Variants in GLIS3 observed in about 807,000 individuals in gnomAD.
The protein encoded by GLIS3 is zinc finger protein GLIS3.
In GLIS3, 53 loss-of-function variants were observed where a neutral mutation model predicts 78.6. The ratio of observed to expected loss-of-function variants is 0.67; its 90% CI spans 0.54 to 0.85. The LOEUF is 0.85. Among genes scored for constraint, GLIS3 ranks in the 40% least tolerant of loss-of-function variants. The probability of loss-of-function intolerance (pLI) is 0.00; values close to 1 mark genes in which losing one functional copy is unlikely to be tolerated. For synonymous variants in GLIS3, 684 were observed against 509.9 expected, an observed-to-expected ratio of 1.34 and a Z score of -4.60; for missense variants, 1,703 against 1,231.1, an observed-to-expected ratio of 1.38 and a Z score of -5.74.
At chr9:4,391,124 C>T in the GLIS3 span, among the ~76,000 whole-genome samples, 1 of 152,138 alleles carries the variant, frequency 6.6e-6, no homozygotes, top group African/African-American at 2.4e-5. Context: ...GACCCAGCCA[C>T]CTCTTCAGTC....
intron 7 of GLIS3, among the ~76,000 whole-genome samples, chr9:3,884,645 A>G (rs1433742691): frequency 6.6e-6 from 1 of 152,132 alleles, no homozygotes; most frequent in Non-Finnish European, 1.5e-5. Context: ...TCAATAGTTA[A>G]GACTTATTGA....
At chr9:4,184,486 G>C (rs916844518) in intron 2 of GLIS3, among the ~76,000 whole-genome samples, 7 of 152,218 alleles carry the variant, frequency 4.6e-5, no homozygotes, top group Non-Finnish European at 7.3e-5. Context: ...AAGTCCCCTT[G>C]GTGAGCATCT....
chr9:3,924,241 C>G (rs986991829), intron 6 of GLIS3, among the ~76,000 whole-genome samples: 2 of 152,072 alleles, frequency 1.3e-5, no homozygotes, highest in Non-Finnish European at 2.9e-5. Context: ...AAAATATTTC[C>G]AAGGATATTA....
At chr9:3,888,478 A>T (rs2130527741) in intron 7 of GLIS3, among the ~76,000 whole-genome samples, 1 of 152,338 alleles carries the variant, frequency 6.6e-6, no homozygotes, top group African/African-American at 2.4e-5. Flanking sequence ...TTCTAGCCAA[A>T]GTCAAGGGAT....
chr9:3,886,041 G>C (rs559689773), intron 7 of GLIS3, among the ~76,000 whole-genome samples: 1 of 152,302 alleles, frequency 6.6e-6, no homozygotes, highest in South Asian at 2.1e-4. Context: ...CCAGTCAAGT[G>C]CTCAAGAAAC....
the GLIS3 span, among the ~76,000 whole-genome samples, chr9:4,461,317 T>C: frequency 6.6e-6 from 1 of 152,212 alleles, no homozygotes; most frequent in African/African-American, 2.4e-5. Flanking sequence ...TTAATATGAA[T>C]CATTTGTAAT....
intron 4 of GLIS3, among the ~76,000 whole-genome samples, chr9:3,986,815 G>A (rs1819775910): frequency 6.6e-6 from 1 of 152,224 alleles, no homozygotes; most frequent in South Asian, 2.1e-4. Flanking sequence ...AGTAGGCAAA[G>A]ACCCATGTGC....
At chr9:4,303,626 A>G (rs1485413255), upstream of GLIS3, among the ~76,000 whole-genome samples, 3 of 152,224 alleles carry the variant, frequency 2.0e-5, no homozygotes. Context: ...CAAAACTGTA[A>G]ATCAGAGTCT....
At chr9:4,168,909 C>A (rs752779383) in intron 2 of GLIS3, among the ~76,000 whole-genome samples, 1 of 152,050 alleles carries the variant, frequency 6.6e-6, no homozygotes, top group South Asian at 2.1e-4. Flanking sequence ...TGTTAGATAA[C>A]GAGAAAATTT....
chr9:3,861,482 C>G (rs115589579), intron 8 of GLIS3, among the ~76,000 whole-genome samples: 1 of 152,060 alleles, frequency 6.6e-6, no homozygotes, highest in Non-Finnish European at 1.5e-5. Flanking sequence ...AAGATACATG[C>G]ATGTGTACGT....
At chr9:4,218,357 C>T (rs1326635169) in intron 2 of GLIS3, among the ~76,000 whole-genome samples, 1 of 152,194 alleles carries the variant, frequency 6.6e-6, no homozygotes, top group African/African-American at 2.4e-5. Context: ...CGGCTCACTG[C>T]AAGCTCTGCC....
intron 8 of GLIS3, among the ~76,000 whole-genome samples, chr9:3,874,532 G>A (rs1821175678): frequency 6.6e-6 from 1 of 152,238 alleles, no homozygotes; most frequent in African/African-American, 2.4e-5. Flanking sequence ...TTTGTAGTCA[G>A]TTTGTCAGAT....
chr9:4,254,059 G>C (rs1824672756), intron 2 of GLIS3, among the ~76,000 whole-genome samples: 1 of 152,192 alleles, frequency 6.6e-6, no homozygotes, highest in Admixed American at 6.5e-5. Flanking sequence ...CATCTTGCCA[G>C]CCACCTCGAG....
chr9:4,249,611 TC>T (rs1824159545), intron 2 of GLIS3, among the ~76,000 whole-genome samples: 1 of 152,204 alleles, frequency 6.6e-6, no homozygotes, highest in Non-Finnish European at 1.5e-5. Context: ...ACTCTTTCTT[TC>T]TTTCTCTTGC....
intron 1 of GLIS3, among the ~76,000 whole-genome samples, chr9:4,294,348 A>C (rs562783832): frequency 8.5e-5 from 13 of 152,282 alleles, no homozygotes; most frequent in African/African-American, 2.9e-4. Flanking sequence ...CATCTCTACT[A>C]AAAATACAAA....
intron 2 of GLIS3, among the ~76,000 whole-genome samples, chr9:4,320,817 A>G (rs1817512288): frequency 1.3e-5 from 2 of 152,214 alleles, no homozygotes; most frequent in Non-Finnish European, 2.9e-5. Context: ...ATTATGTCTT[A>G]AGAAGGCTTC....
chr9:4,474,995 C>CT, the GLIS3 span, among the ~76,000 whole-genome samples: 392 of 81,430 alleles, frequency 4.8e-3, 12 homozygotes, highest in East Asian at 0.063. Context: ...ATTTTTTTTT[C>CT]TTTTTTTTTT....
the GLIS3 span, among the ~76,000 whole-genome samples, chr9:4,357,406 C>T: frequency 2.0e-5 from 3 of 152,188 alleles, no homozygotes; most frequent in Admixed American, 1.3e-4. Flanking sequence ...AATCAGTCTT[C>T]TCTTGCCTTC....
the GLIS3 span, among the ~76,000 whole-genome samples, chr9:4,397,666 AAGGGAGGGAGGAAGGGAGGGAGGGAGGG>A: frequency 0.7 from 90,873 of 128,976 alleles, 32,116 homozygotes; most frequent in Non-Finnish European, 0.77. Flanking sequence ...GGAAGGAAGG[AAGGGAGGGAGGAAGGGAGGGAGGGAGGG>A]AGGGAGGGAG....
Sources: allele counts gnomAD v4.1 joint callset (sites outside exome capture counted in the v4.1 genomes callset), GRCh38; gene constraint gnomAD v4.1.1; transcripts MANE v1.5; gene names NCBI Gene and HGNC (gene_info 2026-07-23, HGNC 2026-07-21).